B4GALNT1: variants seen among roughly 807,000 people sequenced by gnomAD.
The protein encoded by B4GALNT1 is beta-1,4-N-acetyl-galactosaminyltransferase 1, also known as beta-1,4 N-acetylgalactosaminyltransferase 1.
In B4GALNT1, 43 loss-of-function variants were observed where a neutral mutation model predicts 55.2. The ratio of observed to expected loss-of-function variants is 0.78; its 90% CI spans 0.61 to 1.00. B4GALNT1 has a LOEUF of 1.00. Among genes scored for constraint, B4GALNT1 ranks in the 50% least tolerant of loss-of-function variants. The pLI is 0.00. For missense variants in B4GALNT1, 664 were observed against 729.7 expected (o/e 0.91, Z 1.04); for synonymous variants, 305 against 311.6 (o/e 0.98, Z 0.22).
chr12:57,623,889 G>A lies in B4GALNT1; in HGVS notation c.*2855C>T, dbSNP rs902070006. On this transcript the variant is annotated 3_prime_UTR_variant, in exon 11 of 11. Coordinates refer to ENST00000341156, the MANE Select transcript of B4GALNT1 (RefSeq NM_001478.5). ...TCCTGTCGGTGCTGCTGTGGCTGGG[G>A]CCCTTCTTTTACTATCTGCCCAAGG... 1 of 1,614,052 alleles carries A rather than the reference G, an allele frequency of 6.2e-7. No individual in the cohort carries two copies. Among genetic ancestry groups the A allele is most frequent in the South Asian group, 1.1e-5 (1 of 91,076 alleles).
rs550991252 is a variant in B4GALNT1, at chr12:57,630,533, T to TG, written c.491-16dup. 2.5e-6 allele frequency: 4 copies of TG among 1,599,102 alleles called. No individual in the cohort carries two copies. The highest frequency in any genetic ancestry group is 2.3e-5 in the South Asian group (2 of 88,654). On this transcript the variant is annotated splice_polypyrimidine_tract_variant and intron_variant, in intron 4 of 10. Transcript: ENST00000341156. ...AAGGCTCAGCCCTAGGAGAAAGGAGTGGGGGGATCAGAATCACATAGGCAG... is the reference window on the plus strand; with the variant it reads ...AAGGCTCAGCCCTAGGAGAAAGGAGTGGGGGGGATCAGAATCACATAGGCAG...
chr12:57,627,575 G>A (rs777444880), intron 10 of B4GALNT1, 43 bp downstream of exon 10: 12 of 1,535,208 alleles, frequency 7.8e-6, no homozygotes, highest in Middle Eastern at 1.8e-4. Flanking sequence ...CCAGCTCCCC[G>A]TGGGGCTCCT....
At position 57,624,410 on chromosome 12, in the gene B4GALNT1, G is replaced by C; in HGVS notation, c.*2334C>G. ...CCTGGATCATCTCTCCCCATCACTT[G>C]CCTTGGTAGTCACTGCCCTGGATCT... On this transcript the variant is annotated 3_prime_UTR_variant, in exon 11 of 11. Transcript: ENST00000341156. 1.6e-6 allele frequency: 1 copy of C among 608,192 alleles called. No homozygotes were observed. The highest frequency in any genetic ancestry group is 3.2e-6 in the Non-Finnish European group (1 of 315,998). The allele number at this position is 608,192 out of a possible 1,614,324, so 37.7% of individuals were successfully genotyped here.
chr12:57,628,148 C>T lies in B4GALNT1; in HGVS notation c.1117G>A (p.Val373Met), dbSNP rs1565739114. The T allele has an allele frequency of 6.2e-7, 1 of 1,614,128 alleles. No homozygotes were observed. The highest frequency in any genetic ancestry group is 1.7e-5 in the Admixed American group (1 of 60,038). Residue 373 changes from valine (V) to methionine (M), a missense_variant, in exon 9 of 11, where the codon GTG becomes ATG. Val to Met is a conservative substitution (Grantham distance 21). Transcript: ENST00000341156. Reference protein sequence around the residue: ...ARTRLERLVDVLERTPLDLVG... With the variant: ...ARTRLERLVDMLERTPLDLVG... ...AGGTCCAGCGGCGTCCGCTCCAGCA[C>T]GTCCACAAGCCTCTCCAGCCGCGTC... is the stretch of plus-strand genomic sequence containing the variant.
chr12:57,630,483 A>G lies in B4GALNT1; in HGVS notation c.526T>C (p.Tyr176His). ...GCCTTCTTGTTTTCTCTCACCTGGT[A>G]TACCTCCTGACCAGAAGCTGCCTGA... ...SLQAASGQEV[Y>H]QVNLTASLGT... Residue 176 changes from tyrosine (Y) to histidine (H), a missense_variant, in exon 5 of 11, where the codon TAC becomes CAC. Physicochemically the swap from Tyr to His is moderately conservative, Grantham distance 83. Coordinates refer to ENST00000341156, the MANE Select transcript of B4GALNT1 (RefSeq NM_001478.5). The G allele has an allele frequency of 1.2e-6, 2 of 1,609,206 alleles. No individual in the cohort carries two copies. Among genetic ancestry groups the G allele is most frequent in the South Asian group, 1.1e-5 (1 of 90,194 alleles).
At position 57,625,893 on chromosome 12, in the gene B4GALNT1, A is replaced by G. The variant is rs1306546840; in HGVS notation, c.*851T>C. On this transcript the variant is annotated 3_prime_UTR_variant, in exon 11 of 11. Coordinates refer to ENST00000341156, the MANE Select transcript of B4GALNT1 (RefSeq NM_001478.5). ...CTGAGCTATGGGTGAGGAACTGAAG[A>G]ACTCAGATCCCTAAGTAGGTGGGGT... 1.1e-6 allele frequency: 1 copy of G among 893,868 alleles called. No homozygotes were observed. Among genetic ancestry groups the G allele is most frequent in the African/African-American group, 1.7e-5 (1 of 59,592 alleles). The allele number at this position is 893,868 out of a possible 1,614,324, so 55.4% of individuals were successfully genotyped here.
Position 57,626,737 on chromosome 12 carries a change from C to G in B4GALNT1, c.*7G>C. The G allele has an allele frequency of 2.5e-6, 4 of 1,613,806 alleles. No individual in the cohort carries two copies. Among genetic ancestry groups the G allele is most frequent in the Non-Finnish European group, 3.4e-6 (4 of 1,179,736 alleles). On this transcript the variant is annotated 3_prime_UTR_variant, in exon 11 of 11. Coordinates refer to ENST00000341156, the MANE Select transcript of B4GALNT1 (RefSeq NM_001478.5). ...CAGCCTGACAGTCAGAAATCCCCAGCGGGCCATCACTGGGAGGTCATGCAC... is the reference window on the plus strand; with the variant it reads ...CAGCCTGACAGTCAGAAATCCCCAGGGGGCCATCACTGGGAGGTCATGCAC...
In B4GALNT1 at chr12:57,626,533, A is replaced by T; in HGVS notation, c.*211T>A. 3.4e-6 allele frequency: 2 copies of T among 595,462 alleles called. No individual in the cohort carries two copies. The highest frequency in any genetic ancestry group is 5.9e-6 in the Non-Finnish European group (2 of 336,570). 36.9% of individuals were successfully genotyped at this position (595,462 alleles called of 1,614,324 possible). A position where few individuals can be genotyped will look rare whatever the true frequency, so the allele number is the denominator to read the frequency against. On this transcript the variant is annotated 3_prime_UTR_variant, in exon 11 of 11. Transcript: ENST00000341156. ...CTTGGCACTGGCTGTGGGAGAGGTT[A>T]TGGCTCCACCAGGCCTCTGGGCACT... is the stretch of plus-strand genomic sequence containing the variant.
intron 6 of B4GALNT1, 93 bp downstream of exon 6, chr12:57,630,059 T>C (rs1322333974): frequency 6.2e-7 from 1 of 1,604,068 alleles, no homozygotes; most frequent in Non-Finnish European, 8.5e-7. Flanking sequence ...ATAGCCCAGA[T>C]GCCTCCCATG....
In B4GALNT1 at chr12:57,625,083, CTG is replaced by C. The variant is rs1209498233; in HGVS notation, c.*1659_*1660del. On this transcript the variant is annotated 3_prime_UTR_variant, in exon 11 of 11. Coordinates refer to ENST00000341156, the MANE Select transcript of B4GALNT1 (RefSeq NM_001478.5). ...TGTGCTCAAGGGGTGCATGTTCATG[CTG>C]TGTTTCGGGAGTGGTGACTGCCCTT... 1.9e-6 allele frequency: 3 copies of C among 1,614,116 alleles called. No individual in the cohort carries two copies. Among genetic ancestry groups the C allele is most frequent in the Non-Finnish European group, 2.5e-6 (3 of 1,179,988 alleles).
intron 9 of B4GALNT1, 112 bp downstream of exon 9, chr12:57,628,010 G>T (rs1884952876): frequency 6.6e-7 from 1 of 1,508,778 alleles, no homozygotes; most frequent in Non-Finnish European, 8.8e-7. Context: ...GCCCCACTTC[G>T]TGGTTCTCTC....
In B4GALNT1 at chr12:57,628,220, T is replaced by TG; in HGVS notation, c.1044dup (p.Thr349HisfsTer89). On this transcript the variant is annotated frameshift_variant, in exon 9 of 11. Coordinates refer to ENST00000341156, the MANE Select transcript of B4GALNT1 (RefSeq NM_001478.5). LOFTEE classifies it high-confidence loss of function. Reference sequence around the variant, plus strand: ...TCGTCCACCCACAGCACGTACTTGGTGGTTACTTGAGACACGGCCAGGTTC... The same window carrying TG: ...TCGTCCACCCACAGCACGTACTTGGTGGGTTACTTGAGACACGGCCAGGTTC... 1 of 1,614,236 alleles carries TG rather than the reference T, an allele frequency of 6.2e-7. No homozygotes were observed. The highest frequency in any genetic ancestry group is 1.1e-5 in the South Asian group (1 of 91,084).
At chr12:57,629,904 C>A (rs115811176) in intron 6 of B4GALNT1, 1 of 1,534,572 alleles carries the variant, frequency 6.5e-7, no homozygotes, top group South Asian at 1.2e-5. Flanking sequence ...TGGGGCCCCC[C>A]ACAGTTGGCC....
Position 57,627,787 on chromosome 12 carries a change from G to T in B4GALNT1, c.1215C>A (p.Gly405=). ...GGAGGCAGTTCCCGAGGCCTGGGGC[G>T]CCGGGCTCCACGCTCAGCAGCTGCC... is the stretch of plus-strand genomic sequence containing the variant. ...TYRQLLSVEP[G]APGLGNCLRQ... Residue 405 remains glycine (G), a synonymous_variant, in exon 10 of 11, where the codon GGC becomes GGA. Transcript: ENST00000341156. 1 of 1,599,428 alleles carries T rather than the reference G, an allele frequency of 6.3e-7. No homozygotes were observed. The highest frequency in any genetic ancestry group is 8.5e-7 in the Non-Finnish European group (1 of 1,172,420).
chr12:57,631,466 G>C (rs544408996), intron 2 of B4GALNT1, 102 bp from the exon 3 acceptor site: 2 of 1,343,778 alleles, frequency 1.5e-6, no homozygotes, highest in South Asian at 1.3e-5. Flanking sequence ...CTGCAATTCT[G>C]TCTGTCTAGG....
At chr12:57,632,206 C>A in intron 1 of B4GALNT1, 73 bp from the exon 2 acceptor site, 1 of 1,407,804 alleles carries the variant, frequency 7.1e-7, no homozygotes, top group South Asian at 1.2e-5. Flanking sequence ...CCTTGGCCCC[C>A]GCGTCCTCAG....
intron 2 of B4GALNT1, 76 bp from the exon 3 acceptor site, chr12:57,631,440 A>G (rs1885207187): frequency 1.6e-5 from 25 of 1,520,092 alleles, no homozygotes; most frequent in Non-Finnish European, 2.3e-5. Flanking sequence ...CTGACACAGC[A>G]CCCCACACCT....
chr12:57,632,301 C>G, intron 1 of B4GALNT1, 168 bp from the exon 2 acceptor site: 1 of 730,716 alleles, frequency 1.4e-6, no homozygotes. Flanking sequence ...TCCCGGTACC[C>G]CTCCCCTCAC....
At chr12:57,627,038 T>A (rs1161051691) in intron 10 of B4GALNT1, 77 bp from the exon 11 acceptor site, 9 of 1,299,396 alleles carry the variant, frequency 6.9e-6, no homozygotes, top group Non-Finnish European at 8.7e-6. Flanking sequence ...ACTCTCAAAT[T>A]TAGGGTGTGG....
Sources: allele counts gnomAD v4.1 joint callset, GRCh38; gene constraint gnomAD v4.1.1; transcripts MANE v1.5; gene names NCBI Gene and HGNC (gene_info 2026-07-23, HGNC 2026-07-21).